TEX11: variants seen among roughly 807,000 people sequenced by gnomAD.
TEX11 encodes the protein testis expressed 11.
A neutral mutation model predicts 84.4 loss-of-function variants in TEX11; 7 were observed. That is an observed-to-expected ratio of 0.08 (90% CI 0.05 to 0.16). The LOEUF is 0.16. Ranked by LOEUF, TEX11 falls within the 10% of genes least tolerant of loss-of-function variation. The probability of loss-of-function intolerance (pLI) is 1.00; values close to 1 mark genes in which losing one functional copy is unlikely to be tolerated. For missense variants in TEX11, 551 were observed against 660.5 expected, an observed-to-expected ratio of 0.83 and a Z score of 1.82; for synonymous variants, 264 against 222.8, an observed-to-expected ratio of 1.18 and a Z score of -1.64.
At chrX:70,595,478 A>G (rs73216783) in intron 24 of TEX11, among the ~76,000 whole-genome samples, 14,447 of 111,217 alleles carry the variant, frequency 0.13, 766 homozygotes, top group Middle Eastern at 0.2. Flanking sequence ...TGTAATGTGT[A>G]TAACAAAATA....
rs759221861 is a variant in TEX11 at position 70,869,865 on chromosome X, C to G, written c.244+3358G>C. Among the ~76,000 whole-genome samples, 5 of 111,969 alleles carry G rather than the reference C, an allele frequency of 4.5e-5. No individual in the cohort carries two copies. The South Asian group carries it at 1.8e-3, about 41-fold the overall frequency. On this transcript the variant is annotated intron_variant, in intron 4 of 29. Transcript: ENST00000374333. ...TCTAAGAACTTTGTCTGCTCCAATC[C>G]TGACATTCATAATCCAGCTGTTTAT...
Position 70,529,578 on chromosome X carries a change from C to T in TEX11, c.2685+257G>A, listed in dbSNP as rs143811743. The stretch of plus-strand genomic sequence containing the variant: ...CAGTGATGCATCTTTCCAGAGCTCA[C>T]TCTTGGCATTCCTCTTAATTAGATT... On this transcript the variant is annotated intron_variant, in intron 29 of 29. Coordinates refer to ENST00000374333, the MANE Select transcript of TEX11 (RefSeq NM_031276.3). Among the ~76,000 whole-genome samples, 417 of 112,209 alleles carry T rather than the reference C, an allele frequency of 3.7e-3. 1 individual carries two copies. Among genetic ancestry groups the T allele is most frequent in the Non-Finnish European group, 6.0e-3 (321 of 53,239 alleles).
intron 9 of TEX11, among the ~76,000 whole-genome samples, chrX:70,798,033 G>GT (rs1390952845): frequency 9.7e-6 from 1 of 103,086 alleles, no homozygotes; most frequent in African/African-American, 3.5e-5. Context: ...ATGAGGGGGG[G>GT]GGAAAGGCAT....
intron 22 of TEX11, among the ~76,000 whole-genome samples, chrX:70,607,789 C>T (rs1385498186): frequency 5.3e-5 from 6 of 112,190 alleles, no homozygotes; most frequent in African/African-American, 1.9e-4. Context: ...GCATCATCTT[C>T]CCCTTGGAAA....
intron 17 of TEX11, among the ~76,000 whole-genome samples, chrX:70,648,318 G>A (rs781722180): frequency 9.1e-6 from 1 of 110,091 alleles, no homozygotes; most frequent in African/African-American, 3.3e-5. Context: ...TGTAAATGAC[G>A]AGTTAATGGG....
rs149987482 is a variant in TEX11 at position 70,892,605 on chromosome X, C to T, written c.38-12496G>A. Among the ~76,000 whole-genome samples the T allele has an allele frequency of 1.8e-5, 2 of 110,119 alleles. 1 individual carries two copies. Among genetic ancestry groups the T allele is most frequent in the Non-Finnish European group, 3.8e-5 (2 of 52,800 alleles). ...AAAAATTGCTGGGCGTGGTGGCACA[C>T]GTCTGTAATCCCAGCTACTTGGGAG... On this transcript the variant is annotated intron_variant, in intron 2 of 29. Coordinates refer to ENST00000374333, the MANE Select transcript of TEX11 (RefSeq NM_031276.3).
intron 25 of TEX11, among the ~76,000 whole-genome samples, chrX:70,577,760 A>G (rs6625634): frequency 7.8e-5 from 7 of 89,203 alleles, no homozygotes; most frequent in Non-Finnish European, 1.5e-4. Context: ...AGACAGTCTC[A>G]CTCTGTCACC....
intron 9 of TEX11, among the ~76,000 whole-genome samples, chrX:70,805,827 G>C (rs1167817110): frequency 8.9e-6 from 1 of 111,944 alleles, no homozygotes; most frequent in Non-Finnish European, 1.9e-5. Flanking sequence ...AATCTGTGCT[G>C]GGCCTAGGTT....
chrX:70,849,570 G>C (rs1347106093), intron 7 of TEX11, among the ~76,000 whole-genome samples: 2 of 111,717 alleles, frequency 1.8e-5, no homozygotes, highest in African/African-American at 6.5e-5. Context: ...AGGCCTCTCA[G>C]GAGCTTTATT....
chrX:70,649,902 A>G (rs1015497263), intron 17 of TEX11, among the ~76,000 whole-genome samples: 3 of 112,468 alleles, frequency 2.7e-5, no homozygotes. Context: ...AACCATTCAA[A>G]TATCCTTCAA....
At chrX:70,849,196 A>G (rs2091494679) in intron 7 of TEX11, among the ~76,000 whole-genome samples, 1 of 112,077 alleles carries the variant, frequency 8.9e-6, no homozygotes, top group African/African-American at 3.2e-5. Flanking sequence ...TTGGCACTTA[A>G]TATTTTTCTT....
intron 9 of TEX11, among the ~76,000 whole-genome samples, chrX:70,787,838 A>C (rs2091089124): frequency 8.9e-6 from 1 of 111,935 alleles, no homozygotes; most frequent in Non-Finnish European, 1.9e-5. Flanking sequence ...TGCAAAATGC[A>C]AATTGTACAT....
intron 11 of TEX11, among the ~76,000 whole-genome samples, chrX:70,739,222 T>C (rs969745084): frequency 9.0e-6 from 1 of 111,149 alleles, no homozygotes; most frequent in African/African-American, 3.3e-5. Flanking sequence ...CCACATAACA[T>C]AAATTTCAGG....
At chrX:70,801,873 G>T (rs1213004486) in intron 9 of TEX11, among the ~76,000 whole-genome samples, 1 of 110,820 alleles carries the variant, frequency 9.0e-6, no homozygotes, top group Non-Finnish European at 1.9e-5. Flanking sequence ...GTACTCTAGA[G>T]AAGTATTCCA....
intron 25 of TEX11, among the ~76,000 whole-genome samples, chrX:70,576,617 AATATAT>A (rs1248307669): frequency 8.9e-6 from 1 of 112,252 alleles, no homozygotes; most frequent in African/African-American, 3.2e-5. Flanking sequence ...TGCATTCATA[AATATAT>A]ATACATATAC....
At chrX:70,621,581 T>TATAA (rs1337680043) in intron 20 of TEX11, among the ~76,000 whole-genome samples, 1 of 51,360 alleles carries the variant, frequency 1.9e-5, no homozygotes, top group Non-Finnish European at 3.3e-5. Context: ...TATATATAAA[T>TATAA]AAAAATAAAA....
At chrX:70,540,359 G>A (rs2088026606) in intron 28 of TEX11, among the ~76,000 whole-genome samples, 1 of 111,759 alleles carries the variant, frequency 8.9e-6, no homozygotes, top group Non-Finnish European at 1.9e-5. Flanking sequence ...ACATTGTTGT[G>A]CTATCATCAC....
At chrX:70,593,341 C>T (rs759463569) in intron 24 of TEX11, among the ~76,000 whole-genome samples, 1 of 112,167 alleles carries the variant, frequency 8.9e-6, no homozygotes, top group Admixed American at 9.4e-5. Flanking sequence ...ATAGACTTCA[C>T]TATTTCCCTA....
At chrX:70,749,309 A>C in intron 9 of TEX11, among the ~76,000 whole-genome samples, 1 of 108,195 alleles carries the variant, frequency 9.2e-6, no homozygotes, top group East Asian at 3.0e-4. Context: ...TATCAGCTTA[A>C]GGAGATTTTG....
Sources: allele counts gnomAD v4.1 joint callset (sites outside exome capture counted in the v4.1 genomes callset), GRCh38; gene constraint gnomAD v4.1.1; transcripts MANE v1.5; gene names NCBI Gene and HGNC (gene_info 2026-07-23, HGNC 2026-07-21).